The following WFDC2 variants were observed in gnomAD, a reference collection of about 807,000 sequenced individuals.
WFDC2 encodes WAP four-disulfide core domain protein 2.
A neutral mutation model predicts 12.5 loss-of-function variants in WFDC2; 8 were observed. The observed-to-expected ratio is 0.64, with a 90% CI of 0.37 to 1.15. The LOEUF is 1.15. WFDC2 is among the 50% of genes most tolerant of loss of function. WFDC2 has a pLI of 0.01. For missense variants in WFDC2, 166 were observed against 159.9 expected (o/e 1.04, Z -0.21); for synonymous variants, 74 against 67.2 (o/e 1.10, Z -0.49).
chr20:45,480,930 T>C (rs200379649), intron 3 of WFDC2, among the ~76,000 whole-genome samples: 1 of 144,780 alleles, frequency 6.9e-6, no homozygotes, highest in African/African-American at 2.4e-5. Context: ...TACCTAACCT[T>C]CTCACCTCCC....
chr20:45,479,049 G>T (rs1455787851), intron 2 of WFDC2, among the ~76,000 whole-genome samples: 1 of 152,230 alleles, frequency 6.6e-6, no homozygotes, highest in African/African-American at 2.4e-5. Context: ...CTCAGTTGAT[G>T]AATGGATTTG....
Position 45,473,561 on chromosome 20 carries a change from T to C in WFDC2, c.223+3029T>C, listed in dbSNP as rs565204871. Among the ~76,000 whole-genome samples the C allele has an allele frequency of 1.4e-3, 210 of 152,310 alleles. 3 individuals are homozygous for C. The highest frequency in any genetic ancestry group is 0.013 in the Admixed American group (206 of 15,302). ...GTCTATATATCTGTTTTGGTACCAG[T>C]ACCATGCTGTTTTGGTTACTGTAGC... is the stretch of plus-strand genomic sequence containing the variant. On this transcript the variant is annotated intron_variant, in intron 2 of 3. Transcript: ENST00000372676.
At chr20:45,474,685 C>T (rs1991211592) in intron 2 of WFDC2, among the ~76,000 whole-genome samples, 1 of 152,066 alleles carries the variant, frequency 6.6e-6, no homozygotes. Flanking sequence ...TGATGCTGGC[C>T]TCATAAAATG....
intron 2 of WFDC2, among the ~76,000 whole-genome samples, chr20:45,477,367 C>T (rs975523470): frequency 1.4e-4 from 21 of 152,100 alleles, no homozygotes; most frequent in African/African-American, 4.6e-4. Flanking sequence ...TCTGAGTGGA[C>T]GTCCTTTTTG....
intron 2 of WFDC2, among the ~76,000 whole-genome samples, chr20:45,471,800 C>G (rs1039052304): frequency 3.3e-5 from 5 of 152,180 alleles, no homozygotes; most frequent in African/African-American, 1.2e-4. Context: ...CCTCCTGAGC[C>G]AGGGAGGCAG....
chr20:45,473,488 G>A (rs903748118), intron 2 of WFDC2, among the ~76,000 whole-genome samples: 1 of 152,152 alleles, frequency 6.6e-6, no homozygotes, highest in Non-Finnish European at 1.5e-5. Flanking sequence ...AGATCAGGTG[G>A]CTGTAGATGT....
chr20:45,472,336 T>A (rs1247214679), intron 2 of WFDC2, among the ~76,000 whole-genome samples: 1 of 152,222 alleles, frequency 6.6e-6, no homozygotes, highest in Non-Finnish European at 1.5e-5. Context: ...TTCTCATTGT[T>A]CAACTCCTAC....
intron 2 of WFDC2, among the ~76,000 whole-genome samples, chr20:45,471,604 C>T (rs1373142183): frequency 3.3e-5 from 5 of 152,232 alleles, no homozygotes; most frequent in Admixed American, 2.0e-4. Context: ...GTCATGAGTC[C>T]CCTCCTCTGG....
At position 45,480,302 on chromosome 20, in the gene WFDC2, G is replaced by A. The variant is rs527517610; in HGVS notation, c.*1+208G>A. 2.0e-4 allele frequency among the ~76,000 whole-genome samples: 31 copies of A among 152,132 alleles called. No individual in the cohort carries two copies. In the Middle Eastern group the frequency reaches 0.01, roughly 50 times the overall value. On this transcript the variant is annotated intron_variant, in intron 3 of 3. Coordinates refer to ENST00000372676, the MANE Select transcript of WFDC2 (RefSeq NM_006103.4). ...ATTGGGGAGGCTGTCTCAGGCAGAG[G>A]GAACAGAATAAGCAAGAGCTTGGCT...
At chr20:45,471,911 A>G (rs1468368264) in intron 2 of WFDC2, among the ~76,000 whole-genome samples, 3 of 152,198 alleles carry the variant, frequency 2.0e-5, no homozygotes, top group Non-Finnish European at 4.4e-5. Flanking sequence ...AATAATTCCA[A>G]ACTCTATAGG....
intron 2 of WFDC2, among the ~76,000 whole-genome samples, chr20:45,475,493 A>C (rs2145504214): frequency 6.6e-6 from 1 of 152,322 alleles, no homozygotes; most frequent in East Asian, 1.9e-4. Flanking sequence ...TGCGGTCTTG[A>C]GTGAGTTTCT....
intron 2 of WFDC2, among the ~76,000 whole-genome samples, chr20:45,474,502 C>T (rs956658758): frequency 6.6e-6 from 1 of 152,164 alleles, no homozygotes; most frequent in Non-Finnish European, 1.5e-5. Context: ...TATGTTGAAC[C>T]AGCCTTGCAT....
At chr20:45,475,333 C>G (rs560748842) in intron 2 of WFDC2, among the ~76,000 whole-genome samples, 2 of 152,308 alleles carry the variant, frequency 1.3e-5, no homozygotes, top group South Asian at 2.1e-4. Context: ...AAATTTCCTT[C>G]TAAGCACTGC....
intron 2 of WFDC2, 86 bp from the exon 3 acceptor site, chr20:45,479,856 G>A (rs767442648): frequency 8.7e-6 from 14 of 1,613,970 alleles, no homozygotes; most frequent in East Asian, 2.2e-5. Context: ...GCCCAGTGAG[G>A]GGCAGTGGGG....
At chr20:45,479,330 C>A in intron 2 of WFDC2, 1 of 381,254 alleles carries the variant, frequency 2.6e-6, no homozygotes, top group East Asian at 5.9e-5. Flanking sequence ...GACTCTGCAG[C>A]TAGATTTCTT....
chr20:45,481,166 C>T (rs1458252152), intron 3 of WFDC2, among the ~76,000 whole-genome samples: 1 of 151,860 alleles, frequency 6.6e-6, no homozygotes, highest in East Asian at 1.9e-4. Context: ...TACCCAGGTA[C>T]CTGCTAGGGA....
Position 45,470,280 on chromosome 20 carries a change from G to C in WFDC2, c.80-109G>C. ...TCTGGGGGCTGTAAGGGGACTCCTA[G>C]GGCCAGAGACTGAGAATTCCTTGGG... On this transcript the variant is annotated intron_variant, in intron 1 of 3. Transcript: ENST00000372676. The surrounding 1 kb of genome is among the most constrained non-coding windows in gnomAD (Gnocchi z 5.4). The C allele has an allele frequency of 7.0e-7, 1 of 1,431,962 alleles. No homozygotes were observed. Among genetic ancestry groups the C allele is most frequent in the Non-Finnish European group, 9.2e-7 (1 of 1,081,406 alleles). 88.7% of individuals were successfully genotyped at this position (1,431,962 alleles called of 1,614,324 possible). A position where few individuals can be genotyped will look rare whatever the true frequency, so the allele number is the denominator to read the frequency against.
At chr20:45,475,642 T>C (rs1172189335) in intron 2 of WFDC2, among the ~76,000 whole-genome samples, 1 of 152,220 alleles carries the variant, frequency 6.6e-6, no homozygotes, top group East Asian at 1.9e-4. Context: ...CTGAGGAGAA[T>C]GTATATTCTG....
At chr20:45,471,834 T>C (rs1036221453) in intron 2 of WFDC2, among the ~76,000 whole-genome samples, 1 of 151,364 alleles carries the variant, frequency 6.6e-6, no homozygotes, top group Admixed American at 6.6e-5. Flanking sequence ...ATCCTAGTTC[T>C]GCCATTTTCT....
Sources: allele counts gnomAD v4.1 joint callset (sites outside exome capture counted in the v4.1 genomes callset), GRCh38; gene constraint gnomAD v4.1.1; non-coding constraint Gnocchi (gnomAD v3.1); transcripts MANE v1.5; gene names NCBI Gene and HGNC (gene_info 2026-07-23, HGNC 2026-07-21).